The following DOCK5 variants were observed in gnomAD, a reference collection of about 807,000 sequenced individuals.
DOCK5 encodes the protein dedicator of cytokinesis 5.
DOCK5 carries 142 observed loss-of-function variants against 251.8 expected under a neutral mutation model. The observed-to-expected ratio is 0.56, with a 90% confidence interval of 0.49 to 0.65. DOCK5 has a LOEUF of 0.65. DOCK5 is among the 30% of genes least tolerant of loss of function. The pLI is 0.00. For missense variants in DOCK5, 2,111 were observed against 2,312.3 expected (o/e 0.91, Z 1.79); for synonymous variants, 842 against 835.5 (o/e 1.01, Z -0.13).
Position 25,323,902 on chromosome 8 carries a change from C to T in DOCK5, c.1670C>T (p.Pro557Leu), listed in dbSNP as rs1034969826. Residue 557 changes from proline to leucine, a missense_variant, in exon 17 of 52, where the codon CCG (proline) becomes CTG (leucine). Pro to Leu is a moderately conservative substitution (Grantham distance 98). Coordinates refer to ENST00000276440, the MANE Select transcript of DOCK5 (RefSeq NM_024940.8). ...FGVAFVKLMN[P>L]DGTTLQDGRH... The stretch of plus-strand genomic sequence containing the variant: ...GTGGCCTTCGTGAAGCTGATGAACC[C>T]GGATGGCACCACTCTGCAGGATGGG... The T allele has an allele frequency of 1.9e-5, 31 of 1,613,276 alleles. No homozygotes were observed. The highest frequency in any genetic ancestry group is 5.5e-5 in the South Asian group (5 of 90,884).
At chr8:25,288,119 C>T (rs912313357) in intron 5 of DOCK5, among the ~76,000 whole-genome samples, 1 of 152,076 alleles carries the variant, frequency 6.6e-6, no homozygotes, top group Non-Finnish European at 1.5e-5. Flanking sequence ...CTCCTGACCT[C>T]AGGTGATCCA....
intron 45 of DOCK5, 130 bp downstream of exon 45, chr8:25,395,849 C>A: frequency 2.7e-6 from 3 of 1,118,264 alleles, no homozygotes; most frequent in Non-Finnish European, 4.0e-6. Context: ...TCCCTTCTGG[C>A]AAGTGAAGTG....
At chr8:25,302,145 T>C (rs930605682) in intron 9 of DOCK5, among the ~76,000 whole-genome samples, 180 bp from the exon 10 acceptor site, 3 of 152,192 alleles carry the variant, frequency 2.0e-5, no homozygotes, top group Non-Finnish European at 2.9e-5. Flanking sequence ...CACAAAGTCA[T>C]GTTTTCTGAT....
chr8:25,395,173 G>A (rs1368203296), intron 44 of DOCK5, among the ~76,000 whole-genome samples: 1 of 152,114 alleles, frequency 6.6e-6, no homozygotes, highest in Non-Finnish European at 1.5e-5. Context: ...GCACAACCTA[G>A]ATCCCTCGCA....
rs779204201 is a variant in DOCK5 at position 25,298,942 on chromosome 8, A to G, written c.607-2A>G. ...GTTTTTCTCTGTTCCCTCTTTGTTC[A>G]GTCAATCCTGCAGAACCTCGATTTG... On this transcript the variant is annotated splice_acceptor_variant, in intron 7 of 51. Coordinates refer to ENST00000276440, the MANE Select transcript of DOCK5 (RefSeq NM_024940.8). LOFTEE classifies it high-confidence loss of function. The G allele has an allele frequency of 4.4e-6, 7 of 1,603,574 alleles. No individual in the cohort carries two copies. The highest frequency in any genetic ancestry group is 1.7e-4 in the Middle Eastern group (1 of 6,036).
intron 1 of DOCK5, among the ~76,000 whole-genome samples, chr8:25,224,675 A>G (rs1802483469): frequency 6.6e-6 from 1 of 152,210 alleles, no homozygotes; most frequent in Admixed American, 6.5e-5. Context: ...TCTTCTCTGC[A>G]TTGAAAGACA....
chr8:25,327,544 A>G (rs866474864), intron 18 of DOCK5, among the ~76,000 whole-genome samples: 9 of 152,218 alleles, frequency 5.9e-5, no homozygotes, highest in African/African-American at 1.9e-4. Context: ...CCATATTGTT[A>G]CATTGTTTGT....
Position 25,184,743 on chromosome 8 carries a change from C to A in DOCK5, c.-166C>A. 1 of 460,774 alleles carries A rather than the reference C, an allele frequency of 2.2e-6. No individual in the cohort carries two copies. The allele number at this position is 460,774 out of a possible 1,614,324, so 28.5% of individuals were successfully genotyped here. A position where few individuals can be genotyped will look rare whatever the true frequency, so the allele number is the denominator to read the frequency against. ...TGACCGCGGGCGGCGCGGGCACGGG[C>A]ACGGGCGCGGGCGGCGCGGCGAGGA... On this transcript the variant is annotated 5_prime_UTR_variant, in exon 1 of 52. Transcript: ENST00000276440.
At chr8:25,270,977 G>T in intron 3 of DOCK5, 4 of 453,160 alleles carry the variant, frequency 8.8e-6, no homozygotes, top group South Asian at 5.6e-5. Context: ...TATTGTTTAG[G>T]GAATAATGAC....
At chr8:25,409,071 G>A (rs1386700297) in intron 50 of DOCK5, 131 bp downstream of exon 50, 16 of 1,347,282 alleles carry the variant, frequency 1.2e-5, no homozygotes, top group South Asian at 2.7e-5. Flanking sequence ...TTTCGTGTTC[G>A]TGTATTATAC....
At chr8:25,289,392 T>A (rs916927203) in intron 5 of DOCK5, among the ~76,000 whole-genome samples, 2 of 151,684 alleles carry the variant, frequency 1.3e-5, no homozygotes, top group Non-Finnish European at 2.9e-5. Flanking sequence ...ACTCAAGTGA[T>A]CCTCTTGCCT....
At chr8:25,382,964 T>TG (rs34411677) in intron 40 of DOCK5, among the ~76,000 whole-genome samples, 186 bp downstream of exon 40, 54,425 of 149,462 alleles carry the variant, frequency 0.36, 10,034 homozygotes, top group Non-Finnish European at 0.4. Flanking sequence ...CGTGGTGTTC[T>TG]GCAGGTCTTT....
intron 27 of DOCK5, among the ~76,000 whole-genome samples, chr8:25,355,806 A>G (rs1380350892): frequency 1.3e-5 from 2 of 152,216 alleles, no homozygotes; most frequent in Admixed American, 1.3e-4. Context: ...AATGGAAGCT[A>G]TTTAGAGATT....
chr8:25,373,544 A>G, intron 35 of DOCK5, 74 bp from the exon 36 acceptor site: 1 of 1,376,072 alleles, frequency 7.3e-7, no homozygotes, highest in Non-Finnish European at 1.0e-6. Context: ...AAGCAACAAT[A>G]GTGGTTTGTC....
intron 15 of DOCK5, 67 bp from the exon 16 acceptor site, chr8:25,320,913 C>T: frequency 7.1e-7 from 1 of 1,417,002 alleles, no homozygotes; most frequent in East Asian, 2.3e-5. Flanking sequence ...AGCCTAATTC[C>T]ATGAAATAAA....
At chr8:25,405,047 C>CT (rs765799445) in intron 48 of DOCK5, among the ~76,000 whole-genome samples, 10 of 152,060 alleles carry the variant, frequency 6.6e-5, no homozygotes, top group Non-Finnish European at 1.3e-4. Context: ...TGGTCAAATA[C>CT]TTTTTTCTGT....
At chr8:25,372,346 A>G (rs1173368034) in intron 34 of DOCK5, among the ~76,000 whole-genome samples, 1 of 152,206 alleles carries the variant, frequency 6.6e-6, no homozygotes, top group Admixed American at 6.5e-5. Context: ...CGAGTCCACA[A>G]AGAAGCGCAG....
intron 14 of DOCK5, among the ~76,000 whole-genome samples, chr8:25,319,003 TA>T (rs1805346773): frequency 6.6e-6 from 1 of 152,172 alleles, no homozygotes; most frequent in Non-Finnish European, 1.5e-5. Context: ...GTGCTGTTGA[TA>T]AGAGCACATG....
Position 25,239,937 on chromosome 8 carries a change from C to T in DOCK5, c.44-3737C>T, listed in dbSNP as rs117420592. Among the ~76,000 whole-genome samples the T allele has an allele frequency of 2.9e-3, 443 of 152,278 alleles. 1 individual carries two copies. The highest frequency in any genetic ancestry group is 4.3e-3 in the Non-Finnish European group (290 of 68,026). ...GGCCACTGGAAAACAGGTGGCTGGA[C>T]GTGTGCTCCTTCCTGCTCACTGAGA... On this transcript the variant is annotated intron_variant, in intron 1 of 51. Transcript: ENST00000276440.
Sources: gnomAD v4.1 joint callset for allele counts (sites outside exome capture counted in the v4.1 genomes callset) on GRCh38, gnomAD v4.1.1 for gene constraint, MANE v1.5 for transcripts, NCBI Gene and HGNC (gene_info 2026-07-23, HGNC 2026-07-21) for gene names.